The following PCBP3 variants were observed in gnomAD, a reference collection of about 807,000 sequenced individuals.
PCBP3 encodes poly(rC)-binding protein 3.
PCBP3 carries 25 observed loss-of-function variants against 52.7 expected under a neutral mutation model. The ratio of observed to expected loss-of-function variants is 0.47; its 90% confidence interval spans 0.35 to 0.66. PCBP3 has a LOEUF of 0.66. Among genes scored for constraint, PCBP3 ranks in the 30% least tolerant of loss-of-function variants. The probability of loss-of-function intolerance (pLI) is 0.01; values close to 1 mark genes in which losing one functional copy is unlikely to be tolerated. For missense variants in PCBP3, 391 were observed against 490.3 expected (o/e 0.80, Z 1.91); for synonymous variants, 162 against 183.0 (o/e 0.89, Z 0.93).
intron 2 of PCBP3, among the ~76,000 whole-genome samples, chr21:45,676,757 C>T (rs1044350181): frequency 1.3e-5 from 2 of 151,934 alleles, no homozygotes; most frequent in African/African-American, 4.8e-5. Context: ...GGTTGCACAT[C>T]TCTCATTTTA....
chr21:45,839,122 AT>A (rs889590349), intron 4 of PCBP3, among the ~76,000 whole-genome samples: 11 of 151,762 alleles, frequency 7.2e-5, no homozygotes, highest in Non-Finnish European at 1.2e-4. Context: ...GAAGGTTTGT[AT>A]TTTTTTTCTT....
intron 1 of PCBP3, among the ~76,000 whole-genome samples, chr21:45,645,680 C>G (rs1603047937): frequency 6.6e-6 from 1 of 152,200 alleles, no homozygotes; most frequent in Admixed American, 6.5e-5. Context: ...AAAAGCCTCA[C>G]GAGCTTCTTG....
At chr21:45,890,893 G>C (rs375802755) in intron 5 of PCBP3, among the ~76,000 whole-genome samples, 1 of 150,862 alleles carries the variant, frequency 6.6e-6, no homozygotes, top group South Asian at 2.1e-4. Context: ...TCTGTGCACT[G>C]CTGAGGGGAA....
intron 15 of PCBP3, among the ~76,000 whole-genome samples, chr21:45,932,779 A>G (rs1242964453): frequency 2.1e-5 from 3 of 142,132 alleles, no homozygotes; most frequent in Non-Finnish European, 4.6e-5. Context: ...GAATGAACAC[A>G]TCAGCCATGC....
chr21:45,911,382 C>G, intron 11 of PCBP3: 1 of 218,282 alleles, frequency 4.6e-6, no homozygotes. Context: ...ACGTTGGAGT[C>G]AGGCCTTGGG....
chr21:45,776,490 C>G (rs1015415478), intron 4 of PCBP3, among the ~76,000 whole-genome samples: 9 of 151,548 alleles, frequency 5.9e-5, no homozygotes, highest in African/African-American at 1.9e-4. Context: ...CTCTCTCTCT[C>G]TCTGTCTGTC....
chr21:45,662,782 A>G (rs1290089207), intron 1 of PCBP3, among the ~76,000 whole-genome samples: 1 of 152,196 alleles, frequency 6.6e-6, no homozygotes, highest in Non-Finnish European at 1.5e-5. Context: ...ACACCTGGAC[A>G]GGGCCATTAG....
At chr21:45,925,158 A>G (rs35874830) in intron 13 of PCBP3, among the ~76,000 whole-genome samples, 1,609 of 58,150 alleles carry the variant, frequency 0.028, 29 homozygotes, top group Middle Eastern at 0.064. Context: ...TGCGAACACC[A>G]GGAACAGTCG....
chr21:45,876,280 A>G (rs1003238825), intron 5 of PCBP3, among the ~76,000 whole-genome samples: 2 of 152,024 alleles, frequency 1.3e-5, no homozygotes, highest in African/African-American at 4.8e-5. Flanking sequence ...TCCCGAAATG[A>G]GCATTTGAAA....
chr21:45,835,880 G>T (rs1281166009), intron 4 of PCBP3, among the ~76,000 whole-genome samples: 1 of 151,154 alleles, frequency 6.6e-6, no homozygotes, highest in African/African-American at 2.5e-5. Flanking sequence ...CAGTGTCACG[G>T]CAGCCCCAGG....
chr21:45,875,222 C>T (rs1281777574), intron 5 of PCBP3, among the ~76,000 whole-genome samples: 1 of 152,198 alleles, frequency 6.6e-6, no homozygotes, highest in African/African-American at 2.4e-5. Flanking sequence ...CCAGCTGACT[C>T]ACCGGGCCTG....
At chr21:45,924,292 C>T (rs113471548) in intron 13 of PCBP3, among the ~76,000 whole-genome samples, 8,971 of 62,738 alleles carry the variant, frequency 0.14, 4 homozygotes, top group African/African-American at 0.19. Context: ...TGAGGAGATG[C>T]GAACACCGGG....
At chr21:45,812,857 T>C (rs2092720745) in intron 4 of PCBP3, among the ~76,000 whole-genome samples, 1 of 152,260 alleles carries the variant, frequency 6.6e-6, no homozygotes, top group African/African-American at 2.4e-5. Context: ...GTCATTCCTT[T>C]GCCTCTGGCT....
intron 4 of PCBP3, among the ~76,000 whole-genome samples, chr21:45,799,599 C>T (rs1457436167): frequency 6.6e-6 from 1 of 152,086 alleles, no homozygotes; most frequent in Non-Finnish European, 1.5e-5. Flanking sequence ...AATTCTTCAG[C>T]CTTCTCCTCA....
intron 13 of PCBP3, among the ~76,000 whole-genome samples, chr21:45,919,973 G>A (rs544109308): frequency 1.3e-4 from 20 of 152,222 alleles, no homozygotes; most frequent in Non-Finnish European, 2.1e-4. Context: ...TTCTGGGGTG[G>A]CCCAGTTCCA....
At chr21:45,654,392 G>A (rs1263639756) in intron 1 of PCBP3, among the ~76,000 whole-genome samples, 1 of 143,446 alleles carries the variant, frequency 7.0e-6, no homozygotes, top group African/African-American at 2.6e-5. Flanking sequence ...CCAGGCTGGA[G>A]TGCAGTGACG....
chr21:45,808,203 TTAAAC>T (rs2092572376), intron 4 of PCBP3, among the ~76,000 whole-genome samples: 1 of 152,134 alleles, frequency 6.6e-6, no homozygotes, highest in South Asian at 2.1e-4. Flanking sequence ...TGGGATCTAA[TTAAAC>T]TAAAGAGCTT....
At chr21:45,823,210 C>T (rs2093198449) in intron 4 of PCBP3, among the ~76,000 whole-genome samples, 1 of 152,240 alleles carries the variant, frequency 6.6e-6, no homozygotes, top group Non-Finnish European at 1.5e-5. Context: ...CTGCAGTCCC[C>T]ATGACCCCTC....
intron 9 of PCBP3, among the ~76,000 whole-genome samples, chr21:45,908,024 C>A (rs987421253): frequency 1.3e-5 from 2 of 152,118 alleles, no homozygotes; most frequent in African/African-American, 4.8e-5. Context: ...CCTCTTCATA[C>A]CAATCAAAAA....
Sources: allele counts gnomAD v4.1 joint callset (sites outside exome capture counted in the v4.1 genomes callset), GRCh38; gene constraint gnomAD v4.1.1; transcripts MANE v1.5; gene names NCBI Gene and HGNC (gene_info 2026-07-23, HGNC 2026-07-21).